The following LAX1 variants were observed in gnomAD, a reference collection of about 807,000 sequenced individuals.
The protein encoded by LAX1 is lymphocyte transmembrane adaptor 1.
In LAX1, 17 loss-of-function variants were observed where a neutral mutation model predicts 20.7. That is an observed-to-expected ratio of 0.82 (90% CI 0.56 to 1.23). The LOEUF (loss-of-function observed/expected upper bound fraction) is 1.23, where lower values mean the gene tolerates loss of function less well. Ranked by LOEUF, LAX1 falls within the 50% of genes most tolerant of loss-of-function variation. LAX1 has a pLI of 0.00. For missense variants in LAX1, 470 were observed against 487.0 expected (o/e 0.97, Z 0.33); for synonymous variants, 165 against 181.0 (o/e 0.91, Z 0.71).
chr1:203,772,699 T>G (rs1207651853), intron 4 of LAX1, among the ~76,000 whole-genome samples: 2 of 151,716 alleles, frequency 1.3e-5, no homozygotes, highest in Non-Finnish European at 1.5e-5. Flanking sequence ...GTGCTGAGAT[T>G]ACAGGCATGA....
Position 203,765,620 on chromosome 1 carries a change from A to G in LAX1, c.55A>G (p.Ser19Gly), listed in dbSNP as rs1034752099. The change falls in exon 1 of 5, where the codon AGC (serine) becomes GGC (glycine). Residue 19 changes from serine to glycine, a missense_variant. Ser to Gly is a moderately conservative substitution (Grantham distance 56). Coordinates refer to ENST00000442561, the MANE Select transcript of LAX1 (RefSeq NM_017773.4). ...STIRGRTLES[S>G]TLHVTPRSLD... ...AATCAGAGGGAGGACCTTGGAGTCC[A>G]GCACTCTGCATGTGACTCCCCGCAG... 1.2e-6 allele frequency: 2 copies of G among 1,614,154 alleles called. No individual in the cohort carries two copies. Among genetic ancestry groups the G allele is most frequent in the Non-Finnish European group, 1.7e-6 (2 of 1,180,024 alleles).
intron 1 of LAX1, among the ~76,000 whole-genome samples, chr1:203,768,875 T>C (rs1239128036): frequency 6.6e-6 from 1 of 151,880 alleles, no homozygotes; most frequent in Admixed American, 6.6e-5. Flanking sequence ...CAAGAGGTGG[T>C]TGGGTTTGGG....
At position 203,767,300 on chromosome 1, in the gene LAX1, CTTCTTTTTT is replaced by C. The variant is rs1436092187; in HGVS notation, c.89+1649_89+1657del. On this transcript the variant is annotated intron_variant, in intron 1 of 4. Transcript: ENST00000442561. ...CTGGTAACCACCATTCTACTCTCCA[CTTCTTTTTT>C]TTTTTTTTTTTTTTTGAGACAAAGT... Among the ~76,000 whole-genome samples, 6 of 95,366 alleles carry C rather than the reference CTTCTTTTTT, an allele frequency of 6.3e-5. No individual in the cohort carries two copies. In the East Asian group the frequency reaches 9.8e-3, roughly 156 times the overall value. The allele number at this position is 95,366 out of a possible 152,430, so 62.6% of individuals were successfully genotyped here. A position where few individuals can be genotyped will look rare whatever the true frequency, so the allele number is the denominator to read the frequency against.
At chr1:203,770,523 AAGAAAG>A (rs1558070911) in intron 1 of LAX1, among the ~76,000 whole-genome samples, 1 of 132,848 alleles carries the variant, frequency 7.5e-6, no homozygotes, top group African/African-American at 2.8e-5. Flanking sequence ...GAAAGAAAGA[AAGAAAG>A]AAAGAAAGAA....
chr1:203,770,477 GGAAGGA>G (rs1667392475), intron 1 of LAX1, among the ~76,000 whole-genome samples: 1 of 42,784 alleles, frequency 2.3e-5, no homozygotes, highest in African/African-American at 8.2e-5. Flanking sequence ...AAGGAAGGAA[GGAAGGA>G]AGGAAGGAAG....
intron 1 of LAX1, among the ~76,000 whole-genome samples, chr1:203,768,267 T>C (rs570459029): frequency 2.8e-4 from 43 of 152,150 alleles, no homozygotes; most frequent in African/African-American, 1.0e-3. Flanking sequence ...GCCAAGATCA[T>C]GCCATTGCGC....
At position 203,775,412 on chromosome 1, in the gene LAX1, A is replaced by G. The variant is rs1038303048; in HGVS notation, c.*731A>G. 3.9e-5 allele frequency: 6 copies of G among 152,156 alleles called. No homozygotes were observed. Among genetic ancestry groups the G allele is most frequent in the African/African-American group, 1.4e-4 (6 of 41,440 alleles). 9.4% of individuals were successfully genotyped at this position (152,156 alleles called of 1,614,324 possible). A position where few individuals can be genotyped will look rare whatever the true frequency, so the allele number is the denominator to read the frequency against. On this transcript the variant is annotated 3_prime_UTR_variant, in exon 5 of 5. Transcript: ENST00000442561. ...CCTCTCAAAAAAAAAAACAAACAAA[A>G]AAGAAGTGTGGGCAACCAAATGTAG...
Position 203,774,027 on chromosome 1 carries a change from C to G in LAX1, c.543C>G (p.Asp181Glu). The G allele has an allele frequency of 6.2e-7, 1 of 1,614,120 alleles. No individual in the cohort carries two copies. The highest frequency in any genetic ancestry group is 8.5e-7 in the Non-Finnish European group (1 of 1,180,028). The change falls in exon 5 of 5, where the codon GAC becomes GAG. Residue 181 changes from aspartate (D) to glutamate (E), a missense_variant. By Grantham distance (45) the Asp-to-Glu change is conservative. Transcript: ENST00000442561. ...GCATCAATGTCAGAGCTTCCAGAGA[C>G]TGCGCAAGCATTTCTTCAGAGGATT... ...AHCINVRASR[D>E]CASISSEDSH...
At chr1:203,772,010 T>A in intron 3 of LAX1, 58 bp from the exon 4 acceptor site, 3 of 1,344,914 alleles carry the variant, frequency 2.2e-6, no homozygotes, top group Middle Eastern at 1.8e-4. Context: ...CAGGGATTAT[T>A]TGGACTGAAG....
chr1:203,772,710 G>C (rs984176889), intron 4 of LAX1, among the ~76,000 whole-genome samples: 1 of 149,692 alleles, frequency 6.7e-6, no homozygotes, highest in Admixed American at 6.7e-5. Context: ...ACAGGCATGA[G>C]CCACCGTGCC....
In LAX1 at chr1:203,770,813, C is replaced by T. The variant is rs185274959; in HGVS notation, c.90-15C>T. 8.3e-5 allele frequency: 133 copies of T among 1,597,208 alleles called. No individual in the cohort carries two copies. The East Asian group carries it at 9.4e-4, about 11-fold the overall frequency. Reference sequence around the variant, plus strand: ...CCTCCTACAGCTAGCACATGTCATTCGATTGTTTTTCTAGAAATAAAGACC... The same window carrying T: ...CCTCCTACAGCTAGCACATGTCATTTGATTGTTTTTCTAGAAATAAAGACC... On this transcript the variant is annotated splice_polypyrimidine_tract_variant and intron_variant, in intron 1 of 4. Transcript: ENST00000442561.
Position 203,765,204 on chromosome 1 carries a change from G to A in LAX1, c.-362G>A. On this transcript the variant is annotated 5_prime_UTR_variant, in exon 1 of 5. Coordinates refer to ENST00000442561, the MANE Select transcript of LAX1 (RefSeq NM_017773.4). ...TTTCACTCTGCTTTGGGTGTTGAAGGAAGACGAGCTTCTCACGGAGCCTCT... is the reference window on the plus strand; with the variant it reads ...TTTCACTCTGCTTTGGGTGTTGAAGAAAGACGAGCTTCTCACGGAGCCTCT... 1 of 716,870 alleles carries A rather than the reference G, an allele frequency of 1.4e-6. No individual in the cohort carries two copies. Among genetic ancestry groups the A allele is most frequent in the Non-Finnish European group, 2.4e-6 (1 of 422,442 alleles). 44.4% of individuals were successfully genotyped at this position (716,870 alleles called of 1,614,324 possible).
In LAX1 at chr1:203,767,303, CTTT is replaced by C. The variant is rs755164305; in HGVS notation, c.89+1668_89+1670del. On this transcript the variant is annotated intron_variant, in intron 1 of 4. Transcript: ENST00000442561. ...GTAACCACCATTCTACTCTCCACTT[CTTT>C]TTTTTTTTTTTTTTTTTTGAGACAA... Among the ~76,000 whole-genome samples, 38 of 90,446 alleles carry C rather than the reference CTTT, an allele frequency of 4.2e-4. 1 individual carries two copies. Among genetic ancestry groups the C allele is most frequent in the African/African-American group, 1.7e-3 (36 of 21,246 alleles). The allele number at this position is 90,446 out of a possible 152,430, so 59.3% of individuals were successfully genotyped here. A position where few individuals can be genotyped will look rare whatever the true frequency, so the allele number is the denominator to read the frequency against.
rs1443089287 is a variant in LAX1 at position 203,770,507 on chromosome 1, AAGG to A, written c.90-319_90-317del. ...GAAGGAAGGAAGGAAGGAAGGAAGG[AAGG>A]AAGAAAGAAAGAAAGAAAGAAAGAA... On this transcript the variant is annotated intron_variant, in intron 1 of 4. Coordinates refer to ENST00000442561, the MANE Select transcript of LAX1 (RefSeq NM_017773.4). 1.7e-3 allele frequency among the ~76,000 whole-genome samples: 151 copies of A among 91,252 alleles called. 1 individual carries two copies. Among genetic ancestry groups the A allele is most frequent in the African/African-American group, 5.8e-3 (135 of 23,262 alleles). 59.9% of individuals were successfully genotyped at this position (91,252 alleles called of 152,430 possible).
Position 203,774,063 on chromosome 1 carries a change from T to C in LAX1, c.579T>C (p.Tyr193=). Residue 193 remains tyrosine (Y), a synonymous_variant, in exon 5 of 5, where the codon TAT becomes TAC. Transcript: ENST00000442561. ...TTTCTTCAGAGGATTCGCATGATTA[T>C]GTCAATGTCCCCACAGCAGAAGAGA... is the stretch of plus-strand genomic sequence containing the variant. ...ASISSEDSHD[Y]VNVPTAEEIA... is the part of the protein sequence containing the mutation. The C allele has an allele frequency of 6.2e-7, 1 of 1,614,186 alleles. No homozygotes were observed. The highest frequency in any genetic ancestry group is 8.5e-7 in the Non-Finnish European group (1 of 1,180,032).
In LAX1 at chr1:203,774,229, G is replaced by A. The variant is rs1342411843; in HGVS notation, c.745G>A (p.Ala249Thr). ...GDCTSLYSPG[A>T]EDSDSLSNGE... Reference sequence around the variant, plus strand: ...CTGCACCAGTTTGTATTCTCCAGGAGCTGAGGACAGTGATTCACTCAGCAA... The same window carrying A: ...CTGCACCAGTTTGTATTCTCCAGGAACTGAGGACAGTGATTCACTCAGCAA... Residue 249 changes from alanine (A) to threonine (T), a missense_variant, in exon 5 of 5, where the codon GCT becomes ACT. Coordinates refer to ENST00000442561, the MANE Select transcript of LAX1 (RefSeq NM_017773.4). 6.2e-7 allele frequency: 1 copy of A among 1,614,050 alleles called. No individual in the cohort carries two copies. The highest frequency in any genetic ancestry group is 1.3e-5 in the African/African-American group (1 of 74,932).
rs1041617548 is a variant in LAX1 at position 203,771,347 on chromosome 1, T to C, written c.200-20T>C. On this transcript the variant is annotated intron_variant, in intron 2 of 4. Transcript: ENST00000442561. The stretch of plus-strand genomic sequence containing the variant: ...CAGCTGACCCCCGCCATGACTCCCA[T>C]CTCTCTCATTGCCTTGCAGGACAAG... 2.2e-5 allele frequency: 32 copies of C among 1,486,326 alleles called. No individual in the cohort carries two copies. The highest frequency in any genetic ancestry group is 2.9e-5 in the Non-Finnish European group (31 of 1,063,698). 92.1% of individuals were successfully genotyped at this position (1,486,326 alleles called of 1,614,324 possible).
intron 2 of LAX1, 23 bp from the exon 3 acceptor site, chr1:203,771,344 C>A (rs1234123672): frequency 7.0e-7 from 1 of 1,435,774 alleles, no homozygotes; most frequent in African/African-American, 1.4e-5. Context: ...GCCATGACTC[C>A]CATCTCTCTC....
At chr1:203,770,495 AAGGAAGGAAGGAAGG>A (rs1667395468) in intron 1 of LAX1, among the ~76,000 whole-genome samples, 15 of 81,654 alleles carry the variant, frequency 1.8e-4, no homozygotes, top group African/African-American at 6.3e-4. Flanking sequence ...GGAAGGAAGG[AAGGAAGGAAGGAAGG>A]AAGAAAGAAA....
Sources: allele counts gnomAD v4.1 joint callset (sites outside exome capture counted in the v4.1 genomes callset), GRCh38; gene constraint gnomAD v4.1.1; transcripts MANE v1.5; gene names NCBI Gene and HGNC (gene_info 2026-07-23, HGNC 2026-07-21).